The following HMGCLL1 variants were observed in gnomAD, a reference collection of about 807,000 sequenced individuals.
The protein encoded by HMGCLL1 is 3-hydroxy-3-methylglutaryl-CoA lyase like 1.
Under a neutral mutation model 39.1 loss-of-function variants are expected in HMGCLL1, and 36 were observed. That is an observed-to-expected ratio of 0.92 (90% CI 0.71 to 1.22). The LOEUF (loss-of-function observed/expected upper bound fraction) is 1.22, where lower values mean the gene tolerates loss of function less well. HMGCLL1 is among the 50% of genes most tolerant of loss of function. The pLI is 0.00. For missense variants in HMGCLL1, 451 were observed against 416.5 expected, an observed-to-expected ratio of 1.08 and a Z score of -0.72; for synonymous variants, 149 against 144.0, an observed-to-expected ratio of 1.03 and a Z score of -0.25.
chr6:55,620,769 G>T, the HMGCLL1 span, among the ~76,000 whole-genome samples: 2 of 151,938 alleles, frequency 1.3e-5, no homozygotes, highest in South Asian at 4.2e-4. Context: ...AATCCATTTT[G>T]ATTTGATTTT....
At chr6:55,643,644 C>T in the HMGCLL1 span, among the ~76,000 whole-genome samples, 2 of 152,102 alleles carry the variant, frequency 1.3e-5, no homozygotes, top group Non-Finnish European at 1.5e-5. Context: ...TGGTGACTAT[C>T]TTTCTGTTTC....
the HMGCLL1 span, among the ~76,000 whole-genome samples, chr6:55,610,754 T>C: frequency 6.6e-6 from 1 of 152,018 alleles, no homozygotes; most frequent in Non-Finnish European, 1.5e-5. Flanking sequence ...AAGATTGAAA[T>C]GAAGGAAAAC....
At chr6:55,546,993 A>G (rs569064836) in intron 1 of HMGCLL1, among the ~76,000 whole-genome samples, 14 of 152,142 alleles carry the variant, frequency 9.2e-5, no homozygotes, top group African/African-American at 2.9e-4. Context: ...TTGAATTTAT[A>G]TGTTACTTTA....
At chr6:55,542,880 T>C (rs531726067) in intron 1 of HMGCLL1, among the ~76,000 whole-genome samples, 1,809 of 134,346 alleles carry the variant, frequency 0.013, 30 homozygotes, top group Non-Finnish European at 0.023. Flanking sequence ...TTTATATTTT[T>C]ATATATTTAT....
intron 7 of HMGCLL1, among the ~76,000 whole-genome samples, chr6:55,445,167 A>C (rs944906873): frequency 6.6e-6 from 1 of 152,048 alleles, no homozygotes; most frequent in Non-Finnish European, 1.5e-5. Flanking sequence ...AAAATATTTT[A>C]ATACAATTTC....
chr6:55,518,010 A>G (rs918907384), intron 3 of HMGCLL1, among the ~76,000 whole-genome samples: 1 of 152,108 alleles, frequency 6.6e-6, no homozygotes, highest in Non-Finnish European at 1.5e-5. Flanking sequence ...GTCTTCTCCA[A>G]ACAGTATCTA....
At chr6:55,544,956 C>A (rs892085619) in intron 1 of HMGCLL1, among the ~76,000 whole-genome samples, 1 of 151,992 alleles carries the variant, frequency 6.6e-6, no homozygotes, top group Non-Finnish European at 1.5e-5. Flanking sequence ...GCCTGATTTA[C>A]AAGATGCCTA....
upstream of HMGCLL1, chr6:55,579,277 G>T (rs894746776): frequency 4.3e-5 from 25 of 586,384 alleles, no homozygotes; most frequent in African/African-American, 3.6e-4. Context: ...GCACCTGCGG[G>T]AATCGACAGA....
At chr6:55,486,209 AT>A (rs751442319) in intron 7 of HMGCLL1, among the ~76,000 whole-genome samples, 1 of 151,444 alleles carries the variant, frequency 6.6e-6, no homozygotes, top group African/African-American at 2.4e-5. Flanking sequence ...ACAAGTAAGT[AT>A]TTTTTGTGAT....
chr6:55,526,496 C>T (rs1013862575), intron 3 of HMGCLL1, among the ~76,000 whole-genome samples: 2 of 151,960 alleles, frequency 1.3e-5, no homozygotes, highest in African/African-American at 2.4e-5. Context: ...TCTTTAAATA[C>T]TTTGCATGAA....
the HMGCLL1 span, among the ~76,000 whole-genome samples, chr6:55,606,462 G>A: frequency 2.0e-5 from 3 of 152,108 alleles, no homozygotes; most frequent in Non-Finnish European, 4.4e-5. Flanking sequence ...AAGTATCTTG[G>A]TTCCTAGCCC....
At chr6:55,647,859 G>A in the HMGCLL1 span, among the ~76,000 whole-genome samples, 2,398 of 115,728 alleles carry the variant, frequency 0.021, 105 homozygotes, top group African/African-American at 0.08. Context: ...ATGCTGGTGC[G>A]CTGCACCCAC....
chr6:55,461,495 G>T (rs1764564368), intron 7 of HMGCLL1, among the ~76,000 whole-genome samples: 1 of 152,022 alleles, frequency 6.6e-6, no homozygotes, highest in Non-Finnish European at 1.5e-5. Flanking sequence ...TGCTAAATTT[G>T]AAATACAGTA....
rs137917654 is a variant in HMGCLL1, at chr6:55,515,295, C to T, written c.394-1099G>A. Among the ~76,000 whole-genome samples, 221 of 151,396 alleles carry T rather than the reference C, an allele frequency of 1.5e-3. 2 individuals are homozygous for T. The highest frequency in any genetic ancestry group is 4.7e-3 in the African/African-American group (194 of 41,354). ...ACATGGGGGGAGAAAAACTTAAAAG[C>T]TATCTTTTCATCTTTCCTCAAACAT... is the stretch of plus-strand genomic sequence containing the variant. On this transcript the variant is annotated intron_variant, in intron 4 of 8. Coordinates refer to ENST00000274901, the MANE Select transcript of HMGCLL1 (RefSeq NM_001042406.2).
the HMGCLL1 span, among the ~76,000 whole-genome samples, chr6:55,585,189 C>G: frequency 1.3e-5 from 2 of 152,012 alleles, no homozygotes; most frequent in African/African-American, 4.8e-5. Context: ...ACACCCCACC[C>G]CAGGTGATGA....
chr6:55,477,312 A>C (rs1333066785), intron 7 of HMGCLL1, among the ~76,000 whole-genome samples: 2 of 16,804 alleles, frequency 1.2e-4, no homozygotes, highest in African/African-American at 8.9e-4. Flanking sequence ...TATTATATAT[A>C]TAATATATAT....
Position 55,435,767 on chromosome 6 carries a change from G to A in HMGCLL1, c.922-4C>T, listed in dbSNP as rs1168545232. The stretch of plus-strand genomic sequence containing the variant: ...TCACTTTGTATAGATTCACACCCTG[G>A]TGACGAAATGAAGGAATATCAGGAA... On this transcript the variant is annotated splice_polypyrimidine_tract_variant and splice_region_variant and intron_variant, in intron 8 of 8. Coordinates refer to ENST00000274901, the MANE Select transcript of HMGCLL1 (RefSeq NM_001042406.2). 8 of 1,508,556 alleles carry A rather than the reference G, an allele frequency of 5.3e-6. No homozygotes were observed. Among genetic ancestry groups the A allele is most frequent in the Non-Finnish European group, 7.3e-6 (8 of 1,103,180 alleles). 93.4% of individuals were successfully genotyped at this position (1,508,556 alleles called of 1,614,324 possible). A position where few individuals can be genotyped will look rare whatever the true frequency, so the allele number is the denominator to read the frequency against.
chr6:55,629,209 G>T, the HMGCLL1 span, among the ~76,000 whole-genome samples: 1 of 152,166 alleles, frequency 6.6e-6, no homozygotes, highest in African/African-American at 2.4e-5. Flanking sequence ...TCCAGGCAGA[G>T]GTGGTCTCAG....
At position 55,495,613 on chromosome 6, in the gene HMGCLL1, G is replaced by C. The variant is rs959485064; in HGVS notation, c.607-6C>G. 3 of 1,574,770 alleles carry C rather than the reference G, an allele frequency of 1.9e-6. No individual in the cohort carries two copies. The highest frequency in any genetic ancestry group is 2.6e-6 in the Non-Finnish European group (3 of 1,160,034). On this transcript the variant is annotated splice_polypyrimidine_tract_variant and splice_region_variant and intron_variant, in intron 6 of 8. Coordinates refer to ENST00000274901, the MANE Select transcript of HMGCLL1 (RefSeq NM_001042406.2). ...CCGTACAATCTCTTAGACACCTGTT[G>C]ATAAAGGTGAAGTGCTAGTAAAATA...
Sources: allele counts gnomAD v4.1 joint callset (sites outside exome capture counted in the v4.1 genomes callset), GRCh38; gene constraint gnomAD v4.1.1; transcripts MANE v1.5; gene names NCBI Gene and HGNC (gene_info 2026-07-23, HGNC 2026-07-21).